The following PRKCE variants were observed in gnomAD, a reference collection of about 807,000 sequenced individuals.
The protein encoded by PRKCE is protein kinase C epsilon, also known as protein kinase C epsilon type.
In PRKCE, 16 loss-of-function variants were observed where a neutral mutation model predicts 85.4. The observed-to-expected ratio is 0.19, with a 90% CI of 0.13 to 0.28. PRKCE has a LOEUF of 0.28. Among genes scored for constraint, PRKCE ranks in the 10% least tolerant of loss-of-function variants. The pLI, the probability that PRKCE is intolerant of heterozygous loss-of-function variation, is 1.00. For missense variants in PRKCE, 573 were observed against 975.2 expected (o/e 0.59, Z 5.49); for synonymous variants, 388 against 371.5 (o/e 1.04, Z -0.51).
intron 1 of PRKCE, among the ~76,000 whole-genome samples, chr2:45,798,785 T>TAAAA (rs1218603728): frequency 9.9e-5 from 15 of 151,858 alleles, no homozygotes; most frequent in African/African-American, 3.6e-4. Context: ...TTTTTACCTG[T>TAAAA]TTTCAGTGTT....
At chr2:45,677,228 A>G (rs1676515320) in intron 1 of PRKCE, 1 of 151,302 alleles carries the variant, frequency 6.6e-6, no homozygotes, top group Non-Finnish European at 1.5e-5. Flanking sequence ...CTTCTTTCCG[A>G]TTTAACCCTG....
intron 10 of PRKCE, among the ~76,000 whole-genome samples, chr2:46,036,025 G>T (rs956478762): frequency 6.6e-6 from 1 of 152,230 alleles, no homozygotes; most frequent in African/African-American, 2.4e-5. Context: ...GTAATCCAGG[G>T]TGGTCTCTGA....
At chr2:46,082,643 C>T (rs762106924) in intron 10 of PRKCE, among the ~76,000 whole-genome samples, 6 of 152,120 alleles carry the variant, frequency 3.9e-5, no homozygotes, top group South Asian at 4.1e-4. Context: ...GCATCTGGAG[C>T]CCAGCCTCGT....
At chr2:45,731,020 G>A (rs1681526459) in intron 1 of PRKCE, among the ~76,000 whole-genome samples, 1 of 152,190 alleles carries the variant, frequency 6.6e-6, no homozygotes, top group South Asian at 2.1e-4. Flanking sequence ...AAATTTTGAA[G>A]TGAAGGAAAT....
intron 2 of PRKCE, among the ~76,000 whole-genome samples, chr2:45,948,230 T>C (rs968021857): frequency 6.6e-6 from 1 of 152,218 alleles, no homozygotes; most frequent in Non-Finnish European, 1.5e-5. Context: ...AAACAAATGC[T>C]CATTGGCACA....
chr2:46,072,668 A>T (rs1281963259), intron 10 of PRKCE, among the ~76,000 whole-genome samples: 1 of 152,220 alleles, frequency 6.6e-6, no homozygotes, highest in Non-Finnish European at 1.5e-5. Context: ...GCATTCCTGG[A>T]GTGGCTCACA....
intron 1 of PRKCE, among the ~76,000 whole-genome samples, chr2:45,834,291 T>C (rs574500070): frequency 6.6e-6 from 1 of 152,346 alleles, no homozygotes; most frequent in East Asian, 1.9e-4. Context: ...GGGGTGTTTA[T>C]TTAAGGTGTG....
intron 2 of PRKCE, among the ~76,000 whole-genome samples, chr2:45,961,439 T>C (rs1701370223): frequency 6.6e-6 from 1 of 152,274 alleles, no homozygotes; most frequent in South Asian, 2.1e-4. Context: ...AGTCGGTTTC[T>C]GTAACCCCAT....
chr2:46,041,801 A>G lies in PRKCE; in HGVS notation c.1437+31284A>G, dbSNP rs1708230163. ...CTTTAAGCTGGAGGAATTTGCCCTA[A>G]AACTGTTCTGCACGGCCAACAATTT... On this transcript the variant is annotated intron_variant, in intron 10 of 14. Coordinates refer to ENST00000306156, the MANE Select transcript of PRKCE (RefSeq NM_005400.3). The surrounding 1 kb of genome is among the most constrained non-coding windows in gnomAD (Gnocchi z 5.5). Among the ~76,000 whole-genome samples the G allele has an allele frequency of 6.6e-6, 1 of 152,230 alleles. No individual in the cohort carries two copies. Among genetic ancestry groups the G allele is most frequent in the South Asian group, 2.1e-4 (1 of 4,828 alleles).
At chr2:45,850,091 C>T (rs909066485) in intron 2 of PRKCE, among the ~76,000 whole-genome samples, 3 of 152,214 alleles carry the variant, frequency 2.0e-5, no homozygotes, top group Non-Finnish European at 2.9e-5. Flanking sequence ...AATGAATCAC[C>T]CATGGTTAAC....
At chr2:45,814,476 G>T (rs533019605) in intron 1 of PRKCE, among the ~76,000 whole-genome samples, 1 of 152,312 alleles carries the variant, frequency 6.6e-6, no homozygotes, top group East Asian at 1.9e-4. Context: ...AACACTGCTG[G>T]GGGCTGAGTT....
chr2:45,820,907 A>G (rs1217764714), intron 1 of PRKCE, among the ~76,000 whole-genome samples: 1 of 148,402 alleles, frequency 6.7e-6, no homozygotes, highest in Non-Finnish European at 1.5e-5. Flanking sequence ...ACCCCCCAGC[A>G]TGGCAACAAA....
chr2:45,725,790 C>G (rs970168460), intron 1 of PRKCE, among the ~76,000 whole-genome samples: 1 of 151,714 alleles, frequency 6.6e-6, no homozygotes, highest in African/African-American at 2.4e-5. Flanking sequence ...GAGATCACAT[C>G]ACTGTACTCT....
chr2:46,058,395 C>G (rs901064074), intron 10 of PRKCE, among the ~76,000 whole-genome samples: 1 of 152,194 alleles, frequency 6.6e-6, no homozygotes, highest in South Asian at 2.1e-4. Context: ...CGTCATGTTC[C>G]CAAAGGAACT....
intron 1 of PRKCE, among the ~76,000 whole-genome samples, chr2:45,827,943 T>C (rs945069045): frequency 3.9e-5 from 6 of 152,350 alleles, no homozygotes; most frequent in Non-Finnish European, 7.3e-5. Context: ...TTTTTCTTTT[T>C]TTCTTTTTTC....
chr2:45,742,069 G>A (rs1027757951), intron 1 of PRKCE, among the ~76,000 whole-genome samples: 16 of 152,042 alleles, frequency 1.1e-4, no homozygotes, highest in Non-Finnish European at 7.4e-5. Context: ...GATATCACAC[G>A]AAAAGCACAG....
chr2:45,757,361 T>G (rs114736967), intron 1 of PRKCE, among the ~76,000 whole-genome samples: 1,723 of 144,036 alleles, frequency 0.012, 31 homozygotes, highest in African/African-American at 0.042. Context: ...GGGTAAACTG[T>G]CCATTAATAA....
At chr2:45,869,484 G>T (rs192012686) in intron 2 of PRKCE, among the ~76,000 whole-genome samples, 1 of 151,992 alleles carries the variant, frequency 6.6e-6, no homozygotes, top group East Asian at 1.9e-4. Context: ...CCTATTACAC[G>T]CCAGGCACTG....
chr2:45,754,999 GA>G (rs1333259831), intron 1 of PRKCE, among the ~76,000 whole-genome samples: 1 of 152,232 alleles, frequency 6.6e-6, no homozygotes, highest in Non-Finnish European at 1.5e-5. Context: ...CTACGGCGTA[GA>G]TACTGCAAGT....
Sources: allele counts gnomAD v4.1 joint callset (sites outside exome capture counted in the v4.1 genomes callset), GRCh38; gene constraint gnomAD v4.1.1; non-coding constraint Gnocchi (gnomAD v3.1); transcripts MANE v1.5; gene names NCBI Gene and HGNC (gene_info 2026-07-23, HGNC 2026-07-21).